The following SLC24A2 variants were observed in gnomAD, a reference collection of about 807,000 sequenced individuals.
SLC24A2 encodes solute carrier family 24 member 2.
SLC24A2 carries 36 observed loss-of-function variants against 62.0 expected under a neutral mutation model. That is an observed-to-expected ratio of 0.58 (90% CI 0.44 to 0.77). The LOEUF (loss-of-function observed/expected upper bound fraction) is 0.77, where lower values mean the gene tolerates loss of function less well. Ranked by LOEUF, SLC24A2 falls within the 30% of genes least tolerant of loss-of-function variation. SLC24A2 has a pLI of 0.00. For missense variants in SLC24A2, 846 were observed against 817.9 expected (o/e 1.03, Z -0.42); for synonymous variants, 358 against 294.0 (o/e 1.22, Z -2.23).
At chr9:20,203,869 T>C in the SLC24A2 span, among the ~76,000 whole-genome samples, 1 of 152,364 alleles carries the variant, frequency 6.6e-6, no homozygotes, top group Admixed American at 6.5e-5. Context: ...AGACCCATAA[T>C]GTTGCATCCC....
chr9:19,735,477 T>C (rs1366172930), intron 2 of SLC24A2, among the ~76,000 whole-genome samples: 1 of 152,040 alleles, frequency 6.6e-6, no homozygotes, highest in African/African-American at 2.4e-5. Flanking sequence ...GAACTAGAAA[T>C]ACCATTTGAC....
chr9:19,950,715 G>C, the SLC24A2 span, among the ~76,000 whole-genome samples: 1 of 152,242 alleles, frequency 6.6e-6, no homozygotes, highest in African/African-American at 2.4e-5. Flanking sequence ...TCTACTGCAA[G>C]TGTGGGAAGT....
the SLC24A2 span, among the ~76,000 whole-genome samples, chr9:20,225,562 A>ATATATATATATATATATATATATAT: frequency 2.8e-5 from 2 of 71,872 alleles, 1 homozygote; most frequent in Admixed American, 3.2e-4. Flanking sequence ...TATATATATT[A>ATATATATATATATATATATATATAT]TATATATATA....
At chr9:19,803,847 G>A in the SLC24A2 span, among the ~76,000 whole-genome samples, 1 of 152,150 alleles carries the variant, frequency 6.6e-6, no homozygotes, top group Admixed American at 6.5e-5. Context: ...AGAATTTGGA[G>A]CATTGGGGTT....
At chr9:19,619,974 T>C (rs1173042486) in intron 3 of SLC24A2, among the ~76,000 whole-genome samples, 1 of 152,198 alleles carries the variant, frequency 6.6e-6, no homozygotes, top group South Asian at 2.1e-4. Context: ...ATTTGCAAAA[T>C]GAACCCTATG....
At chr9:19,651,176 C>T (rs997717967) in intron 2 of SLC24A2, among the ~76,000 whole-genome samples, 5 of 152,134 alleles carry the variant, frequency 3.3e-5, no homozygotes, top group African/African-American at 1.2e-4. Flanking sequence ...CTAAGTAAAG[C>T]TACAACACCC....
the SLC24A2 span, among the ~76,000 whole-genome samples, chr9:20,170,428 G>C: frequency 2.0e-5 from 3 of 151,950 alleles, no homozygotes; most frequent in African/African-American, 7.2e-5. Context: ...CCATGGGCTG[G>C]GGTCAGACGC....
At chr9:19,843,408 A>T in the SLC24A2 span, among the ~76,000 whole-genome samples, 1 of 152,220 alleles carries the variant, frequency 6.6e-6, no homozygotes, top group Non-Finnish European at 1.5e-5. Context: ...GCTACTCAGG[A>T]GGCTGAGGCC....
the SLC24A2 span, among the ~76,000 whole-genome samples, chr9:19,869,553 T>A: frequency 2.6e-5 from 4 of 152,222 alleles, no homozygotes; most frequent in Non-Finnish European, 4.4e-5. Flanking sequence ...TTGTTGATTT[T>A]TAAAAATTAT....
chr9:19,816,581 T>A, the SLC24A2 span, among the ~76,000 whole-genome samples: 1 of 152,056 alleles, frequency 6.6e-6, no homozygotes, highest in Non-Finnish European at 1.5e-5. Flanking sequence ...GAAAAGAGGT[T>A]TAATTGGCTC....
intron 2 of SLC24A2, among the ~76,000 whole-genome samples, chr9:19,638,817 T>C (rs1217309894): frequency 6.6e-6 from 1 of 152,016 alleles, no homozygotes; most frequent in East Asian, 1.9e-4. Context: ...GTAAAATTCC[T>C]GGATCCCTAC....
intron 7 of SLC24A2, among the ~76,000 whole-genome samples, chr9:19,567,307 G>C (rs965200746): frequency 1.2e-4 from 18 of 151,956 alleles, no homozygotes; most frequent in African/African-American, 4.3e-4. Flanking sequence ...AGCACTTTGG[G>C]AGGCCGAGGT....
chr9:19,732,223 T>A (rs1821361069), intron 2 of SLC24A2, among the ~76,000 whole-genome samples: 1 of 152,214 alleles, frequency 6.6e-6, no homozygotes, highest in African/African-American at 2.4e-5. Flanking sequence ...GGGCACATTA[T>A]GTCTGCTGCC....
At chr9:19,534,551 C>G (rs930217301) in intron 8 of SLC24A2, among the ~76,000 whole-genome samples, 5 of 152,062 alleles carry the variant, frequency 3.3e-5, no homozygotes, top group Non-Finnish European at 1.5e-5. Context: ...TGATCCCCTC[C>G]CCGGGTCCAT....
chr9:20,206,996 A>AC, the SLC24A2 span, among the ~76,000 whole-genome samples: 2 of 151,492 alleles, frequency 1.3e-5, no homozygotes, highest in African/African-American at 4.9e-5. Flanking sequence ...CTCCATATTT[A>AC]CCCCCCTCAC....
At chr9:20,303,360 T>A in the SLC24A2 span, among the ~76,000 whole-genome samples, 3 of 152,232 alleles carry the variant, frequency 2.0e-5, no homozygotes, top group African/African-American at 7.2e-5. Context: ...ATTTAAACTT[T>A]GGCCCCTGTA....
chr9:20,163,176 A>G, the SLC24A2 span, among the ~76,000 whole-genome samples: 14 of 152,164 alleles, frequency 9.2e-5, no homozygotes, highest in African/African-American at 3.4e-4. Context: ...AACTAGGAAA[A>G]GAGGAAGTCA....
chr9:20,137,567 T>C, the SLC24A2 span, among the ~76,000 whole-genome samples: 1 of 152,238 alleles, frequency 6.6e-6, no homozygotes, highest in Non-Finnish European at 1.5e-5. Flanking sequence ...GAACTAGATA[T>C]GAAAGTAAAA....
chr9:19,763,196 T>A (rs995735747), intron 2 of SLC24A2, among the ~76,000 whole-genome samples: 1 of 152,242 alleles, frequency 6.6e-6, no homozygotes, highest in African/African-American at 2.4e-5. Flanking sequence ...AAGTTGTTTA[T>A]CAGCTTAAGG....
Sources: gnomAD v4.1 joint callset for allele counts (sites outside exome capture counted in the v4.1 genomes callset) on GRCh38, gnomAD v4.1.1 for gene constraint, MANE v1.5 for transcripts, NCBI Gene and HGNC (gene_info 2026-07-23, HGNC 2026-07-21) for gene names.